The following SDK2 variants were observed in gnomAD, a reference collection of about 807,000 sequenced individuals.
The protein encoded by SDK2 is protein sidekick-2.
In SDK2, 105 loss-of-function variants were observed where a neutral mutation model predicts 253.9. The observed-to-expected ratio is 0.41, with a 90% CI of 0.35 to 0.49. The LOEUF is 0.49. Ranked by LOEUF, SDK2 falls within the 20% of genes least tolerant of loss-of-function variation. SDK2 has a pLI of 0.06. For missense variants in SDK2, 2,608 were observed against 3,003.0 expected (o/e 0.87, Z 3.07); for synonymous variants, 1,249 against 1,234.9 (o/e 1.01, Z -0.24).
At chr17:73,563,827 C>T (rs961900354) in intron 1 of SDK2, among the ~76,000 whole-genome samples, 4 of 151,668 alleles carry the variant, frequency 2.6e-5, no homozygotes, top group Non-Finnish European at 4.4e-5. Flanking sequence ...GGCTGGAGTG[C>T]GATGGCACCA....
intron 36 of SDK2, among the ~76,000 whole-genome samples, chr17:73,375,540 C>A (rs2062770884): frequency 6.6e-6 from 1 of 152,154 alleles, no homozygotes; most frequent in Admixed American, 6.5e-5. Flanking sequence ...AGCCACTGAG[C>A]CCAGCCCTTA....
rs183828048 is a variant in SDK2, at chr17:73,583,245, G to A, written c.64+60780C>T. On this transcript the variant is annotated intron_variant, in intron 1 of 44. Transcript: ENST00000392650. ...TCTGCATGCTCCCTGACAGCAGACCGTGGTTTCTTGCCCACTGCTATCTTC... is the reference window on the plus strand; with the variant it reads ...TCTGCATGCTCCCTGACAGCAGACCATGGTTTCTTGCCCACTGCTATCTTC... Among the ~76,000 whole-genome samples, 5 of 152,348 alleles carry A rather than the reference G, an allele frequency of 3.3e-5. No homozygotes were observed. In the East Asian group the frequency reaches 7.7e-4, roughly 24 times the overall value.
rs1467544089 is a variant in SDK2, at chr17:73,481,280, A to AGT, written c.225-9064_225-9063dup. Among the ~76,000 whole-genome samples the AGT allele has an allele frequency of 6.6e-6, 1 of 152,164 alleles. No individual in the cohort carries two copies. Among genetic ancestry groups the AGT allele is most frequent in the Non-Finnish European group, 1.5e-5 (1 of 68,014 alleles). On this transcript the variant is annotated intron_variant, in intron 2 of 44. Coordinates refer to ENST00000392650, the MANE Select transcript of SDK2 (RefSeq NM_001144952.2). The surrounding 1 kb of genome is among the most constrained non-coding windows in gnomAD (Gnocchi z 4.5). ...CTCGGAGGAGGGGGGACTTGGGCAC[A>AGT]GTGTGTTCCCCCCACCTTCTAGGGA...
intron 36 of SDK2, among the ~76,000 whole-genome samples, chr17:73,375,008 C>G (rs954583465): frequency 6.6e-6 from 1 of 152,072 alleles, no homozygotes; most frequent in Non-Finnish European, 1.5e-5. Context: ...GCCAAAGCCC[C>G]GAAGGACCCC....
rs1367454824 is a variant in SDK2, at chr17:73,447,998, C to T, written c.480-250G>A. On this transcript the variant is annotated intron_variant, in intron 4 of 44. Transcript: ENST00000392650. This position sits in a 1 kb window ranked among gnomAD's most constrained non-coding sequence, Gnocchi z 4.0. ...AGACAGCACGTTCATGCCCAGACGCCGAGGCCACCCAAAGGAAGCTTCCCT... is the reference window on the plus strand; with the variant it reads ...AGACAGCACGTTCATGCCCAGACGCTGAGGCCACCCAAAGGAAGCTTCCCT... 6.6e-5 allele frequency among the ~76,000 whole-genome samples: 10 copies of T among 152,094 alleles called. No individual in the cohort carries two copies. Among genetic ancestry groups the T allele is most frequent in the African/African-American group, 1.9e-4 (8 of 41,404 alleles).
chr17:73,525,576 T>C (rs547142434), intron 1 of SDK2, among the ~76,000 whole-genome samples: 77 of 152,292 alleles, frequency 5.1e-4, no homozygotes, highest in Non-Finnish European at 6.8e-4. Context: ...CTGAGCAGCC[T>C]GTGGGAGGCG....
Position 73,401,064 on chromosome 17 carries a change from T to C in SDK2, c.2927A>G (p.Gln976Arg), listed in dbSNP as rs774496820. 1.3e-6 allele frequency: 2 copies of C among 1,577,210 alleles called. No individual in the cohort carries two copies. The highest frequency in any genetic ancestry group is 1.2e-5 in the South Asian group (1 of 85,712). Residue 976 changes from glutamine (Q) to arginine (R), a missense_variant, in exon 21 of 45, where the codon CAG (glutamine) becomes CGG (arginine). Physicochemically the swap from Gln to Arg is conservative, Grantham distance 43 (BLOSUM62 1). Coordinates refer to ENST00000392650, the MANE Select transcript of SDK2 (RefSeq NM_001144952.2). The stretch of plus-strand genomic sequence containing the variant: ...GATGGTGGAGGCGGACACTTGGCCC[T>C]GGCCCTTTGAGGTCATGGCGGCCAC... ...IEVAAMTSKG[Q>R]GQVSASTISS... is the part of the protein sequence containing the mutation.
chr17:73,398,554 C>T (rs2145517533), intron 22 of SDK2, 125 bp from the exon 23 acceptor site: 1 of 698,362 alleles, frequency 1.4e-6, no homozygotes, highest in Non-Finnish European at 2.4e-6. Flanking sequence ...TGGAGGGCAC[C>T]ATATGGGGCT....
Position 73,496,473 on chromosome 17 carries a change from T to A in SDK2, c.224+10965A>T, listed in dbSNP as rs1329620143. ...AGAGGTGGGCATGGGCACGAGGGCA[T>A]GAAAGAGCAGAGACCACGGGTGCAC... On this transcript the variant is annotated intron_variant, in intron 2 of 44. Transcript: ENST00000392650. The surrounding 1 kb of genome is among the most constrained non-coding windows in gnomAD (Gnocchi z 4.7). 2.0e-5 allele frequency among the ~76,000 whole-genome samples: 3 copies of A among 152,132 alleles called. No homozygotes were observed. The South Asian group carries it at 6.2e-4, about 32-fold the overall frequency.
intron 28 of SDK2, 143 bp downstream of exon 28, chr17:73,391,297 C>T: frequency 2.4e-6 from 1 of 419,944 alleles, no homozygotes. Flanking sequence ...AGCAGGAGGA[C>T]TAACACCCAG....
chr17:73,404,513 A>G (rs1424900047), intron 18 of SDK2, among the ~76,000 whole-genome samples: 1 of 152,146 alleles, frequency 6.6e-6, no homozygotes, highest in East Asian at 1.9e-4. Context: ...GCAGATGGAA[A>G]TCATTGTCCT....
intron 17 of SDK2, 63 bp from the exon 18 acceptor site, chr17:73,414,822 C>T (rs966001208): frequency 1.6e-5 from 17 of 1,082,912 alleles, no homozygotes; most frequent in Non-Finnish European, 2.3e-5. Flanking sequence ...TTGCCCAGTT[C>T]AGTAGAGAAA....
Position 73,435,618 on chromosome 17 carries a change from AC to A in SDK2, c.1026del (p.Trp342CysfsTer13). 6.4e-7 allele frequency: 1 copy of A among 1,572,454 alleles called. No individual in the cohort carries two copies. The highest frequency in any genetic ancestry group is 2.4e-5 in the East Asian group (1 of 42,408). On this transcript the variant is annotated frameshift_variant, in exon 9 of 45. Coordinates refer to ENST00000392650, the MANE Select transcript of SDK2 (RefSeq NM_001144952.2). LOFTEE classifies it high-confidence loss of function. This position sits in a 1 kb window ranked among gnomAD's most constrained non-coding sequence, Gnocchi z 5.7. ...ACCTCCACCACGGCTGCGTCCTTGT[AC>A]CAGGTGATGGAGGGCGGCGGCACAC... ...AKGVPPPSIT[W>X]YKDAAVVEVE...
chr17:73,409,088 C>T (rs1018383981), intron 18 of SDK2, among the ~76,000 whole-genome samples: 1 of 152,132 alleles, frequency 6.6e-6, no homozygotes, highest in Non-Finnish European at 1.5e-5. Flanking sequence ...ATGGAACATA[C>T]CTGGCTGGGA....
chr17:73,568,441 C>A (rs2045337517), intron 1 of SDK2, among the ~76,000 whole-genome samples: 1 of 151,926 alleles, frequency 6.6e-6, no homozygotes, highest in Non-Finnish European at 1.5e-5. Context: ...TATAACAATG[C>A]AAAATGGACT....
intron 1 of SDK2, among the ~76,000 whole-genome samples, chr17:73,556,111 C>G (rs774231645): frequency 6.6e-6 from 1 of 152,078 alleles, no homozygotes; most frequent in African/African-American, 2.4e-5. Context: ...GAAGTCACTG[C>G]CAGGAAACGA....
intron 1 of SDK2, among the ~76,000 whole-genome samples, chr17:73,559,694 C>T (rs764522798): frequency 2.0e-5 from 3 of 150,706 alleles, no homozygotes; most frequent in Admixed American, 6.7e-5. Context: ...GCAGCCTGAA[C>T]AGGATGGGAC....
chr17:73,453,401 G>T (rs1171728307), intron 4 of SDK2, among the ~76,000 whole-genome samples: 4 of 147,616 alleles, frequency 2.7e-5, no homozygotes, highest in African/African-American at 1.0e-4. Flanking sequence ...TTTTGAGATG[G>T]AGTCTTGCTC....
intron 1 of SDK2, among the ~76,000 whole-genome samples, chr17:73,549,785 G>A (rs757706096): frequency 1.3e-5 from 2 of 152,124 alleles, no homozygotes; most frequent in Admixed American, 6.5e-5. Flanking sequence ...TGAGAGCGGG[G>A]CTCAAGATGT....
Sources: allele counts gnomAD v4.1 joint callset (sites outside exome capture counted in the v4.1 genomes callset), GRCh38; gene constraint gnomAD v4.1.1; non-coding constraint Gnocchi (gnomAD v3.1); transcripts MANE v1.5; gene names NCBI Gene and HGNC (gene_info 2026-07-23, HGNC 2026-07-21).